SLCO2B1: variants seen among roughly 807,000 people sequenced by gnomAD.
The protein encoded by SLCO2B1 is OATP-RP2.
Under a neutral mutation model 67.3 loss-of-function variants are expected in SLCO2B1, and 41 were observed. The observed-to-expected ratio is 0.61, with a 90% CI of 0.47 to 0.79. The LOEUF is 0.79. Ranked by LOEUF, SLCO2B1 falls within the 30% of genes least tolerant of loss-of-function variation. The probability of loss-of-function intolerance (pLI) is 0.00; values close to 1 mark genes in which losing one functional copy is unlikely to be tolerated. For missense variants in SLCO2B1, 837 were observed against 920.1 expected (o/e 0.91, Z 1.17); for synonymous variants, 379 against 381.4 (o/e 0.99, Z 0.07).
chr11:75,183,904 C>A, intron 7 of SLCO2B1, among the ~76,000 whole-genome samples: 1 of 152,188 alleles, frequency 6.6e-6, no homozygotes, highest in East Asian at 1.9e-4. Context: ...AGTTGCCTAC[C>A]TTCAGAACTT....
intron 9 of SLCO2B1, among the ~76,000 whole-genome samples, chr11:75,196,001 G>C (rs1945092082): frequency 6.6e-6 from 1 of 152,218 alleles, no homozygotes; most frequent in Admixed American, 6.5e-5. Flanking sequence ...AATGTGCCCT[G>C]GACACAGTGA....
At chr11:75,180,226 A>G (rs911784688) in intron 7 of SLCO2B1, among the ~76,000 whole-genome samples, 1 of 152,206 alleles carries the variant, frequency 6.6e-6, no homozygotes, top group Non-Finnish European at 1.5e-5. Flanking sequence ...CATGTTGGCC[A>G]GGCTGGCCTC....
intron 10 of SLCO2B1, among the ~76,000 whole-genome samples, chr11:75,196,982 G>C (rs1338230984): frequency 6.6e-6 from 1 of 152,204 alleles, no homozygotes; most frequent in South Asian, 2.1e-4. Flanking sequence ...CAGGCGTGGT[G>C]GTGTGCACCT....
At chr11:75,162,604 C>T (rs764455502) in intron 1 of SLCO2B1, 51 bp from the exon 2 acceptor site, 2 of 1,582,970 alleles carry the variant, frequency 1.3e-6, no homozygotes, top group Non-Finnish European at 1.7e-6. Flanking sequence ...CAGGTCAGGG[C>T]CATTCTCGGG....
chr11:75,186,012 A>G (rs961057352), intron 7 of SLCO2B1, among the ~76,000 whole-genome samples: 7 of 152,300 alleles, frequency 4.6e-5, no homozygotes, highest in East Asian at 3.9e-4. Flanking sequence ...AACCATAAAC[A>G]TCTAGAGGCT....
At chr11:75,203,273 G>T in intron 12 of SLCO2B1, 34 bp from the exon 13 acceptor site, 1 of 1,607,900 alleles carries the variant, frequency 6.2e-7, no homozygotes, top group South Asian at 1.1e-5. Context: ...AGGACGGTGG[G>T]CCTTCATTGT....
At chr11:75,203,705 G>A (rs1945222850) in intron 13 of SLCO2B1, 4 of 383,878 alleles carry the variant, frequency 1.0e-5, no homozygotes. Context: ...CAGGAACTTG[G>A]GGAGAAACAG....
At chr11:75,153,657 C>T (rs764994202) in intron 1 of SLCO2B1, among the ~76,000 whole-genome samples, 3 of 152,186 alleles carry the variant, frequency 2.0e-5, no homozygotes, top group Admixed American at 1.3e-4. Context: ...AGAAAAGTGA[C>T]TACACCTGCA....
In SLCO2B1 at chr11:75,193,575, G is replaced by T. The variant is rs1185011871; in HGVS notation, c.1433G>T (p.Ser478Ile). The T allele has an allele frequency of 6.5e-7, 1 of 1,543,710 alleles. No homozygotes were observed. The highest frequency in any genetic ancestry group is 8.7e-7 in the Non-Finnish European group (1 of 1,144,740). The change falls in exon 9 of 14, where the codon AGT becomes ATT. Residue 478 changes from serine (S) to isoleucine (I), a missense_variant and splice_region_variant. Coordinates refer to ENST00000289575, the MANE Select transcript of SLCO2B1 (RefSeq NM_007256.5). This position sits in a 1 kb window ranked among gnomAD's most constrained non-coding sequence, Gnocchi z 4.2. ...ATTGCGGGCATCACACACCAGACCA[G>T]GTGAGTGTGTGCGTGGGCACGTAAA... ...HQIAGITHQT[S>I]AHPGLELSPS...
rs1945246581 is a variant in SLCO2B1, at chr11:75,204,847, G to A, written c.*267G>A. The A allele has an allele frequency of 3.4e-6, 1 of 295,418 alleles. No homozygotes were observed. Among genetic ancestry groups the A allele is most frequent in the East Asian group, 6.0e-5 (1 of 16,558 alleles). The allele number at this position is 295,418 out of a possible 1,614,324, so 18.3% of individuals were successfully genotyped here. Reference sequence around the variant, plus strand: ...TCCCCCAGCCAGCCAGCTGTCCTGGGGCCAGGCTTTCCTGGGTGGAAAGAA... The same window carrying A: ...TCCCCCAGCCAGCCAGCTGTCCTGGAGCCAGGCTTTCCTGGGTGGAAAGAA... On this transcript the variant is annotated 3_prime_UTR_variant, in exon 14 of 14. Transcript: ENST00000289575.
At chr11:75,200,197 A>C in intron 10 of SLCO2B1, 27 bp from the exon 11 acceptor site, 1 of 1,588,932 alleles carries the variant, frequency 6.3e-7, no homozygotes, top group Non-Finnish European at 8.6e-7. Flanking sequence ...AGGCTCTTGA[A>C]GTCTCTTCCT....
At chr11:75,183,755 C>T (rs183271872) in intron 7 of SLCO2B1, among the ~76,000 whole-genome samples, 2 of 152,306 alleles carry the variant, frequency 1.3e-5, no homozygotes, top group East Asian at 1.9e-4. Context: ...AACTCCTGGC[C>T]TCAAGCAATC....
At chr11:75,164,169 C>A in intron 3 of SLCO2B1, 69 bp downstream of exon 3, 2 of 1,512,646 alleles carry the variant, frequency 1.3e-6, no homozygotes, top group Non-Finnish European at 1.8e-6. Flanking sequence ...CACCAGCCTC[C>A]CCTCTCACTA....
At chr11:75,181,198 G>A (rs996384886) in intron 7 of SLCO2B1, among the ~76,000 whole-genome samples, 38 of 152,076 alleles carry the variant, frequency 2.5e-4, no homozygotes, top group African/African-American at 8.9e-4. Context: ...GAGAAACCCT[G>A]TCTCTACTAA....
In SLCO2B1 at chr11:75,151,461, A is replaced by T. The variant is rs1949687178; in HGVS notation, c.16+64A>T. 4 of 1,577,510 alleles carry T rather than the reference A, an allele frequency of 2.5e-6. No individual in the cohort carries two copies. In the East Asian group the frequency reaches 8.9e-5, roughly 35 times the overall value. On this transcript the variant is annotated intron_variant, in intron 1 of 13. Transcript: ENST00000289575. Reference sequence around the variant, plus strand: ...AGCCTGGGGGACATGTTCCCAGAGAAAAGGGTGAGGCCGTAGAGCCAGAGT... The same window carrying T: ...AGCCTGGGGGACATGTTCCCAGAGATAAGGGTGAGGCCGTAGAGCCAGAGT...
chr11:75,178,214 C>T (rs1292180026), intron 7 of SLCO2B1, among the ~76,000 whole-genome samples: 2 of 152,102 alleles, frequency 1.3e-5, no homozygotes, highest in African/African-American at 4.8e-5. Flanking sequence ...ATATGGTGGC[C>T]CCACCATACC....
In SLCO2B1 at chr11:75,193,201, T is replaced by A. The variant is rs765716413; in HGVS notation, c.1076-17T>A. 1 of 1,588,426 alleles carries A rather than the reference T, an allele frequency of 6.3e-7. No individual in the cohort carries two copies. Among genetic ancestry groups the A allele is most frequent in the Admixed American group, 1.7e-5 (1 of 59,262 alleles). The stretch of plus-strand genomic sequence containing the variant: ...TGGCTGCCCTGCCTGCCCTGACCTC[T>A]GCACTCGCCCCCACAGTCTTCCCCA... On this transcript the variant is annotated splice_polypyrimidine_tract_variant and intron_variant, in intron 8 of 13. Coordinates refer to ENST00000289575, the MANE Select transcript of SLCO2B1 (RefSeq NM_007256.5). The surrounding 1 kb of genome is among the most constrained non-coding windows in gnomAD (Gnocchi z 4.2).
At chr11:75,163,457 G>T (rs565730512) in intron 2 of SLCO2B1, among the ~76,000 whole-genome samples, 4 of 152,190 alleles carry the variant, frequency 2.6e-5, no homozygotes, top group East Asian at 1.9e-4. Context: ...GAGGACTAGT[G>T]GGGGTGGGAT....
chr11:75,159,220 G>A (rs1463147078), intron 1 of SLCO2B1, among the ~76,000 whole-genome samples: 1 of 152,256 alleles, frequency 6.6e-6, no homozygotes, highest in East Asian at 1.9e-4. Flanking sequence ...TCAGCCAAGT[G>A]ACCGACTGAC....
Sources: gnomAD v4.1 joint callset for allele counts (sites outside exome capture counted in the v4.1 genomes callset) on GRCh38, gnomAD v4.1.1 for gene constraint, Gnocchi (gnomAD v3.1) non-coding constraint, MANE v1.5 for transcripts, NCBI Gene and HGNC (gene_info 2026-07-23, HGNC 2026-07-21) for gene names.